SND1: variants seen among roughly 807,000 people sequenced by gnomAD.
The protein encoded by SND1 is staphylococcal nuclease and tudor domain containing 1.
SND1 carries 38 observed loss-of-function variants against 121.7 expected under a neutral mutation model. That is an observed-to-expected ratio of 0.31 (90% CI 0.24 to 0.41). The LOEUF (loss-of-function observed/expected upper bound fraction) is 0.41. Among genes scored for constraint, SND1 ranks in the 10% least tolerant of loss-of-function variants. The pLI, the probability that SND1 is intolerant of heterozygous loss-of-function variation, is 1.00. For missense variants in SND1, 868 were observed against 1,184.6 expected (o/e 0.73, Z 3.92); for synonymous variants, 401 against 447.4 (o/e 0.90, Z 1.31).
At chr7:127,991,111 C>T in intron 16 of SND1, 55 bp downstream of exon 16, 2 of 1,238,854 alleles carry the variant, frequency 1.6e-6, no homozygotes, top group South Asian at 1.3e-5. Flanking sequence ...AATAAGGCTC[C>T]CTTGGTCTGC....
rs2116341356 is a variant in SND1, at chr7:127,702,472, G to A, written c.627G>A (p.Arg209=). 1 of 1,614,066 alleles carries A rather than the reference G, an allele frequency of 6.2e-7. No homozygotes were observed. The highest frequency in any genetic ancestry group is 1.3e-5 in the African/African-American group (1 of 75,020). ...IEHVRDGSVV[R]ALLLPDYYLV... ...ATGTGCGGGACGGCAGTGTGGTCAG[G>A]GCCCTGCTCCTCCCAGATTACTACC... The change falls in exon 6 of 24, where the codon AGG becomes AGA. Residue 209 remains arginine, a synonymous_variant. Transcript: ENST00000354725.
intron 10 of SND1, among the ~76,000 whole-genome samples, chr7:127,724,444 A>G (rs1796549771): frequency 6.6e-6 from 1 of 152,226 alleles, no homozygotes; most frequent in African/African-American, 2.4e-5. Flanking sequence ...CCTGTGTGGT[A>G]CGAAACCACA....
At chr7:127,853,138 C>G (rs1222547482) in intron 12 of SND1, among the ~76,000 whole-genome samples, 4 of 152,130 alleles carry the variant, frequency 2.6e-5, no homozygotes, top group Admixed American at 1.3e-4. Flanking sequence ...ATTATAGACC[C>G]CACTGAAATT....
intron 16 of SND1, among the ~76,000 whole-genome samples, chr7:128,060,077 G>T (rs189932512): frequency 2.0e-3 from 306 of 152,248 alleles, no homozygotes; most frequent in Non-Finnish European, 3.5e-3. Flanking sequence ...AAAAATAGTG[G>T]GTGTGGGTTG....
intron 10 of SND1, among the ~76,000 whole-genome samples, chr7:127,724,851 T>C (rs989449500): frequency 6.6e-6 from 1 of 152,166 alleles, no homozygotes; most frequent in African/African-American, 2.4e-5. Flanking sequence ...AATGGCATGA[T>C]GAAGAGTTAA....
rs534998296 is a variant in SND1, at chr7:127,940,025, GA to G, written c.1669+10697del. ...AGCTAATGAGGCCAGTGGAGTAGTA[GA>G]GAAGGTCAGTCCTGTGAGCTTTTCC... On this transcript the variant is annotated intron_variant, in intron 15 of 23. Coordinates refer to ENST00000354725, the MANE Select transcript of SND1 (RefSeq NM_014390.4). Among the ~76,000 whole-genome samples, 105 of 152,310 alleles carry G rather than the reference GA, an allele frequency of 6.9e-4. 1 individual carries two copies. The South Asian group carries it at 0.018, about 27-fold the overall frequency.
chr7:127,902,556 C>T (rs932646616), intron 13 of SND1, among the ~76,000 whole-genome samples: 1 of 152,180 alleles, frequency 6.6e-6, no homozygotes, highest in Non-Finnish European at 1.5e-5. Flanking sequence ...TAGTTGGCTT[C>T]TAGCCACCAA....
rs1792532597 is a variant in SND1, at chr7:128,029,995, G to A, written c.1779+38939G>A. On this transcript the variant is annotated intron_variant, in intron 16 of 23. Transcript: ENST00000354725. The surrounding 1 kb of genome is among the most constrained non-coding windows in gnomAD (Gnocchi z 4.2). ...TCCAGCTCCTCCAGCCCCACCAGGG[G>A]GGTGAGATTGGGCATGTCTTTAATG... 6.2e-7 allele frequency: 1 copy of A among 1,613,170 alleles called. No homozygotes were observed.
chr7:128,028,493 A>T, intron 16 of SND1: 2 of 583,868 alleles, frequency 3.4e-6, no homozygotes, highest in East Asian at 3.2e-5. Context: ...AATAGAACTT[A>T]CAAGTTAGAA....
At chr7:127,749,407 C>T (rs1439468916) in intron 10 of SND1, among the ~76,000 whole-genome samples, 3 of 152,140 alleles carry the variant, frequency 2.0e-5, no homozygotes, top group Non-Finnish European at 4.4e-5. Flanking sequence ...CTTTGGCTTC[C>T]TTCTGTGGGC....
chr7:127,752,858 G>C (rs1287473220), intron 10 of SND1, among the ~76,000 whole-genome samples: 2 of 152,088 alleles, frequency 1.3e-5, no homozygotes, highest in Non-Finnish European at 2.9e-5. Flanking sequence ...TCAGCTTATA[G>C]GCTGCACAGA....
At chr7:128,020,649 G>A (rs892210225) in intron 16 of SND1, among the ~76,000 whole-genome samples, 21 of 152,134 alleles carry the variant, frequency 1.4e-4, no homozygotes, top group African/African-American at 4.8e-4. Context: ...GGCCAGCCTC[G>A]ATAACATACC....
intron 11 of SND1, among the ~76,000 whole-genome samples, chr7:127,817,854 C>T (rs1344495977): frequency 6.6e-6 from 1 of 151,248 alleles, no homozygotes; most frequent in Non-Finnish European, 1.5e-5. Flanking sequence ...TAGTAGTTCC[C>T]AGGTCTGACC....
At chr7:127,705,907 T>G (rs1006608942) in intron 8 of SND1, among the ~76,000 whole-genome samples, 1 of 152,192 alleles carries the variant, frequency 6.6e-6, no homozygotes, top group Non-Finnish European at 1.5e-5. Flanking sequence ...TGAATAACTA[T>G]AGTATTTATT....
intron 16 of SND1, among the ~76,000 whole-genome samples, chr7:128,010,320 C>T (rs940646440): frequency 2.0e-4 from 30 of 152,226 alleles, no homozygotes; most frequent in Non-Finnish European, 1.8e-4. Context: ...ATCTCTGTGA[C>T]CTTGACAAAA....
intron 14 of SND1, among the ~76,000 whole-genome samples, chr7:127,907,579 A>G (rs1282759781): frequency 1.3e-5 from 2 of 152,188 alleles, no homozygotes; most frequent in Admixed American, 1.3e-4. Context: ...ATATCTGCCA[A>G]AATAATTTAC....
intron 12 of SND1, among the ~76,000 whole-genome samples, chr7:127,862,034 A>G (rs1799389489): frequency 6.6e-6 from 1 of 152,232 alleles, no homozygotes; most frequent in South Asian, 2.1e-4. Flanking sequence ...TAATCCCCAC[A>G]TTATTCCCCT....
intron 10 of SND1, among the ~76,000 whole-genome samples, chr7:127,743,572 C>A (rs1796923169): frequency 6.6e-6 from 1 of 152,148 alleles, no homozygotes; most frequent in Non-Finnish European, 1.5e-5. Flanking sequence ...CCTGTCCCTT[C>A]TGAAAGTTGT....
rs143605029 is a variant in SND1, at chr7:128,005,888, A to AC, written c.1779+14837dup. ...CTCCCCCAGCACTTCTCAAGTCCCCACCCCCAGCCCCCGACCTTTTTCTAA... is the reference window on the plus strand; with the variant it reads ...CTCCCCCAGCACTTCTCAAGTCCCCACCCCCCAGCCCCCGACCTTTTTCTAA... On this transcript the variant is annotated intron_variant, in intron 16 of 23. Transcript: ENST00000354725. Among the ~76,000 whole-genome samples the AC allele has an allele frequency of 5.8e-3, 877 of 151,420 alleles. 15 individuals are homozygous for AC. Among genetic ancestry groups the AC allele is most frequent in the African/African-American group, 0.02 (836 of 41,196 alleles).
Sources: gnomAD v4.1 joint callset for allele counts (sites outside exome capture counted in the v4.1 genomes callset) on GRCh38, gnomAD v4.1.1 for gene constraint, Gnocchi (gnomAD v3.1) non-coding constraint, MANE v1.5 for transcripts, NCBI Gene and HGNC (gene_info 2026-07-23, HGNC 2026-07-21) for gene names.